SYDE2: variants seen among roughly 807,000 people sequenced by gnomAD.
The protein encoded by SYDE2 is synapse defective Rho GTPase homolog 2.
SYDE2 carries 76 observed loss-of-function variants against 91.5 expected under a neutral mutation model. The ratio of observed to expected loss-of-function variants is 0.83; its 90% CI spans 0.69 to 1.01. The LOEUF is 1.01. SYDE2 is among the 50% of genes least tolerant of loss of function. SYDE2 has a pLI of 0.00. For synonymous variants in SYDE2, 513 were observed against 506.4 expected (o/e 1.01, Z -0.18); for missense variants, 1,364 against 1,367.7 (o/e 1.00, Z 0.04).
rs532977059 is a variant in SYDE2 at position 85,195,732 on chromosome 1, T to C, written c.745+4520A>G. Among the ~76,000 whole-genome samples, 22 of 152,262 alleles carry C rather than the reference T, an allele frequency of 1.4e-4. No individual in the cohort carries two copies. The East Asian group carries it at 4.0e-3, about 28-fold the overall frequency. ...CCCAAAAAGGTGTCCTCTAGCTCAA[T>C]TCCCAGTGCTCCTCAAGGCAGTACT... On this transcript the variant is annotated intron_variant, in intron 1 of 6. Transcript: ENST00000341460.
chr1:85,185,616 T>G (rs1228725886), intron 2 of SYDE2, among the ~76,000 whole-genome samples: 7 of 152,228 alleles, frequency 4.6e-5, no homozygotes, highest in African/African-American at 1.2e-4. Context: ...GTTATTGGTG[T>G]ATAAGAATGC....
At position 85,182,871 on chromosome 1, in the gene SYDE2, G is replaced by A. The variant is rs200978811; in HGVS notation, c.1771C>T (p.Arg591Ter). 177 of 1,613,536 alleles carry A rather than the reference G, an allele frequency of 1.1e-4. No individual in the cohort carries two copies. The highest frequency in any genetic ancestry group is 1.5e-4 in the Non-Finnish European group (172 of 1,179,722). Residue 591 changes from arginine to a stop codon, truncating the protein, a stop_gained, in exon 3 of 7, where the codon CGA becomes TGA. Transcript: ENST00000341460. LOFTEE classifies it high-confidence loss of function. Reference protein sequence around the residue: ...TTAAKRNVISRYHLDTSVSSQ... With the variant: ...TTAAKRNVIS ...GATACACTGGTATCAAGATGGTATC[G>A]GCTTATAACATTCCTCTTAGCAGCG...
At chr1:85,162,173 G>C (rs1657087610) in intron 6 of SYDE2, among the ~76,000 whole-genome samples, 1 of 152,054 alleles carries the variant, frequency 6.6e-6, no homozygotes, top group African/African-American at 2.4e-5. Context: ...AAAATAACAT[G>C]AAACAAAACA....
intron 2 of SYDE2, 75 bp downstream of exon 2, chr1:85,189,977 CTTTTA>C (rs1658297330): frequency 1.8e-6 from 2 of 1,093,692 alleles, no homozygotes; most frequent in African/African-American, 3.1e-5. Flanking sequence ...TAACAAACAT[CTTTTA>C]TATTTAGTTT....
rs1657646513 is a variant in SYDE2, at chr1:85,175,113, T to C, written c.2671+3033A>G. On this transcript the variant is annotated intron_variant, in intron 4 of 6. Transcript: ENST00000341460. ...ATCTATTTTACAGTAGTTAGATACA[T>C]GTAATCCTCATCAGAAGACTTATTT... is the stretch of plus-strand genomic sequence containing the variant. Among the ~76,000 whole-genome samples, 2 of 152,184 alleles carry C rather than the reference T, an allele frequency of 1.3e-5. 1 individual carries two copies. Among genetic ancestry groups the C allele is most frequent in the Non-Finnish European group, 2.9e-5 (2 of 68,030 alleles).
In SYDE2 at chr1:85,182,813, A is replaced by G. The variant is rs1325679464; in HGVS notation, c.1829T>C (p.Met610Thr). 6.2e-7 allele frequency: 1 copy of G among 1,613,798 alleles called. No individual in the cohort carries two copies. Among genetic ancestry groups the G allele is most frequent in the African/African-American group, 1.3e-5 (1 of 74,922 alleles). ...SQQSYQKKNS[M>T]SSKYSCKGGY... ...ACCTTTGCAGGAATACTTAGAACTC[A>G]TAGAGTTTTTCTTCTGGTAGCTCTG... Residue 610 changes from methionine to threonine, a missense_variant, in exon 3 of 7, where the codon ATG (methionine) becomes ACG (threonine). By Grantham distance (81) the Met-to-Thr change is moderately conservative. Coordinates refer to ENST00000341460, the MANE Select transcript of SYDE2 (RefSeq NM_032184.2).
intron 4 of SYDE2, among the ~76,000 whole-genome samples, chr1:85,174,122 T>C (rs1351620055): frequency 6.6e-6 from 1 of 152,132 alleles, no homozygotes; most frequent in East Asian, 1.9e-4. Flanking sequence ...AATTGTAATC[T>C]TCAAAGGCAA....
At chr1:85,185,243 T>G (rs1658088727) in intron 2 of SYDE2, among the ~76,000 whole-genome samples, 1 of 147,664 alleles carries the variant, frequency 6.8e-6, no homozygotes, top group Non-Finnish European at 1.5e-5. Flanking sequence ...TTATATTATT[T>G]TATAATTATA....
chr1:85,169,323 T>C, intron 4 of SYDE2, 98 bp from the exon 5 acceptor site: 1 of 846,692 alleles, frequency 1.2e-6, no homozygotes, highest in East Asian at 2.6e-5. Flanking sequence ...TAGCCAACTT[T>C]CAACATTTTG....
intron 1 of SYDE2, 103 bp from the exon 2 acceptor site, chr1:85,190,855 TAAC>T (rs1658339971): frequency 1.2e-6 from 1 of 855,286 alleles, no homozygotes; most frequent in Non-Finnish European, 1.8e-6. Flanking sequence ...AAACAAAAAG[TAAC>T]AACAATCACA....
At chr1:85,182,007 ATTTT>A in intron 3 of SYDE2, 87 bp downstream of exon 3, 2 of 1,312,442 alleles carry the variant, frequency 1.5e-6, no homozygotes, top group South Asian at 3.4e-5. Flanking sequence ...TCTAAATTTG[ATTTT>A]TTTACATTAC....
chr1:85,185,725 T>A (rs931511780), intron 2 of SYDE2, among the ~76,000 whole-genome samples: 2 of 151,908 alleles, frequency 1.3e-5, no homozygotes, highest in Non-Finnish European at 2.9e-5. Context: ...TTTCTAGATA[T>A]ACAATCATGT....
intron 4 of SYDE2, among the ~76,000 whole-genome samples, chr1:85,177,532 T>C (rs1657746905): frequency 6.6e-6 from 1 of 152,136 alleles, no homozygotes; most frequent in Non-Finnish European, 1.5e-5. Flanking sequence ...CTCAAAGTCA[T>C]ATCTGTCTGG....
At chr1:85,155,944 G>C (rs140227814), downstream of SYDE2, among the ~76,000 whole-genome samples, 1 of 152,216 alleles carries the variant, frequency 6.6e-6, no homozygotes, top group Non-Finnish European at 1.5e-5. Flanking sequence ...CAATGTTATG[G>C]AAATATATTT....
intron 5 of SYDE2, among the ~76,000 whole-genome samples, chr1:85,166,295 T>G (rs1194165415): frequency 1.3e-5 from 2 of 150,638 alleles, no homozygotes; most frequent in East Asian, 3.9e-4. Flanking sequence ...GCCAAGATTG[T>G]GCCACTGTAC....
At chr1:85,175,264 C>G (rs568608557) in intron 4 of SYDE2, among the ~76,000 whole-genome samples, 1 of 152,324 alleles carries the variant, frequency 6.6e-6, no homozygotes, top group South Asian at 2.1e-4. Context: ...CTTTGGGAGG[C>G]TGAGACGGGA....
rs751360995 is a variant in SYDE2, at chr1:85,200,981, G to C, written c.16C>G (p.Pro6Ala). The change falls in exon 1 of 7, where the codon CCT (proline) becomes GCT (alanine). Residue 6 changes from proline (P) to alanine (A), a missense_variant. Transcript: ENST00000341460. ...CCGCCCCGCCGCGCGCCCGAGTCAG[G>C]GGGCAGGTCGTGCATGGCCTGGATC... MHDLP[P>A]DSGARRGGRG... 7.7e-7 allele frequency: 1 copy of C among 1,306,708 alleles called. No individual in the cohort carries two copies. The highest frequency in any genetic ancestry group is 9.7e-7 in the Non-Finnish European group (1 of 1,036,222). The allele number at this position is 1,306,708 out of a possible 1,614,324, so 80.9% of individuals were successfully genotyped here.
chr1:85,176,935 A>G (rs974729792), intron 4 of SYDE2, among the ~76,000 whole-genome samples: 2 of 152,232 alleles, frequency 1.3e-5, no homozygotes. Context: ...TGGAATTATT[A>G]TAAACCAGTA....
At position 85,190,795 on chromosome 1, in the gene SYDE2, A is replaced by C. The variant is rs374096437; in HGVS notation, c.746-43T>G. 4.7e-6 allele frequency: 7 copies of C among 1,489,904 alleles called. No homozygotes were observed. In the African/African-American group the frequency reaches 9.8e-5, roughly 21 times the overall value. The allele number at this position is 1,489,904 out of a possible 1,614,324, so 92.3% of individuals were successfully genotyped here. On this transcript the variant is annotated intron_variant, in intron 1 of 6. Coordinates refer to ENST00000341460, the MANE Select transcript of SYDE2 (RefSeq NM_032184.2). ...TAGAAGGTAGAATATAATGGCTGGT[A>C]TATCAGAAAGACATGTCACTTCAGA...
Sources: allele counts gnomAD v4.1 joint callset (sites outside exome capture counted in the v4.1 genomes callset), GRCh38; gene constraint gnomAD v4.1.1; transcripts MANE v1.5; gene names NCBI Gene and HGNC (gene_info 2026-07-23, HGNC 2026-07-21).